Variants in GPR158 observed in about 807,000 individuals in gnomAD.
GPR158 encodes metabotropic glycine receptor.
GPR158 carries 30 observed loss-of-function variants against 78.2 expected under a neutral mutation model. The ratio of observed to expected loss-of-function variants is 0.38; its 90% CI spans 0.29 to 0.52. The LOEUF is 0.52. Among genes scored for constraint, GPR158 ranks in the 20% least tolerant of loss-of-function variants. The probability of loss-of-function intolerance (pLI) is 0.83; values close to 1 mark genes in which losing one functional copy is unlikely to be tolerated. For synonymous variants in GPR158, 581 were observed against 591.1 expected, an observed-to-expected ratio of 0.98 and a Z score of 0.25; for missense variants, 1,463 against 1,523.5, an observed-to-expected ratio of 0.96 and a Z score of 0.66.
At chr10:25,224,735 GT>G (rs537467915) in intron 2 of GPR158, among the ~76,000 whole-genome samples, 62 of 152,186 alleles carry the variant, frequency 4.1e-4, no homozygotes, top group African/African-American at 1.2e-3. Flanking sequence ...GTAATAAATT[GT>G]CAACTATGTT....
intron 2 of GPR158, among the ~76,000 whole-genome samples, chr10:25,394,312 A>G (rs1834340651): frequency 6.6e-6 from 1 of 152,252 alleles, no homozygotes; most frequent in South Asian, 2.1e-4. Context: ...GCCCAAATCC[A>G]CACGGTTGGG....
At chr10:25,534,509 CAAA>C (rs1836470939) in intron 5 of GPR158, among the ~76,000 whole-genome samples, 2 of 147,724 alleles carry the variant, frequency 1.4e-5, no homozygotes, top group African/African-American at 5.0e-5. Flanking sequence ...CAAAACAAAA[CAAA>C]AACAGATTAC....
intron 5 of GPR158, among the ~76,000 whole-genome samples, chr10:25,522,041 C>T (rs968510332): frequency 2.6e-5 from 4 of 152,110 alleles, no homozygotes; most frequent in African/African-American, 7.2e-5. Flanking sequence ...AGTTTAATAA[C>T]CAGTAATTAG....
rs956518917 is a variant in GPR158 at position 25,589,017 on chromosome 10, A to G, written c.1764A>G (p.Leu588=). Residue 588 remains leucine (L), a synonymous_variant, in exon 8 of 11, where the codon TTA becomes TTG. Coordinates refer to ENST00000376351, the MANE Select transcript of GPR158 (RefSeq NM_020752.3). The part of the protein sequence containing the change: ...WDYMTAVAEF[L]FLLWGVYLCY... ...TTGTTATTTTCACAGCTGAATTTTT[A>G]TTCCTCTTGTGGGGTGTTTATCTCT... 2 of 1,556,546 alleles carry G rather than the reference A, an allele frequency of 1.3e-6. No individual in the cohort carries two copies. The highest frequency in any genetic ancestry group is 1.8e-6 in the Non-Finnish European group (2 of 1,142,054).
intron 5 of GPR158, among the ~76,000 whole-genome samples, chr10:25,516,110 C>A (rs914150930): frequency 4.6e-5 from 7 of 152,110 alleles, no homozygotes; most frequent in African/African-American, 1.4e-4. Flanking sequence ...TTGCATTTCT[C>A]TGATGGCCAG....
chr10:25,311,926 A>G (rs72794302), intron 2 of GPR158, among the ~76,000 whole-genome samples: 6,484 of 152,090 alleles, frequency 0.043, 149 homozygotes, highest in African/African-American at 0.052. Context: ...ATGGTTGTAC[A>G]TTTTGTATAA....
chr10:25,584,610 T>C (rs1588923934), intron 7 of GPR158, among the ~76,000 whole-genome samples: 1 of 152,256 alleles, frequency 6.6e-6, no homozygotes, highest in East Asian at 1.9e-4. Context: ...GTTTTCATAA[T>C]GCAGCTACGT....
intron 5 of GPR158, among the ~76,000 whole-genome samples, chr10:25,491,885 A>G (rs970783272): frequency 1.2e-4 from 18 of 152,128 alleles, no homozygotes; most frequent in Non-Finnish European, 4.4e-5. Context: ...GTGGTTTCCT[A>G]TATTTGTCAT....
intron 3 of GPR158, among the ~76,000 whole-genome samples, chr10:25,406,242 T>C (rs1834513796): frequency 6.6e-6 from 1 of 152,146 alleles, no homozygotes; most frequent in Non-Finnish European, 1.5e-5. Context: ...CTGGGATAAC[T>C]GTCAAACAAA....
chr10:25,529,270 C>T (rs1422890825), intron 5 of GPR158, among the ~76,000 whole-genome samples: 3 of 151,962 alleles, frequency 2.0e-5, no homozygotes, highest in Admixed American at 2.0e-4. Flanking sequence ...ACCTGTAATC[C>T]CAGCTACTCA....
intron 5 of GPR158, among the ~76,000 whole-genome samples, chr10:25,530,991 A>T (rs1438123313): frequency 1.3e-5 from 2 of 152,202 alleles, no homozygotes; most frequent in African/African-American, 2.4e-5. Context: ...ATTCTGTCCT[A>T]AGTGGCTTTC....
In GPR158 at chr10:25,338,057, C is replaced by T. The variant is rs557543886; in HGVS notation, c.1009-57854C>T. Among the ~76,000 whole-genome samples, 13 of 151,724 alleles carry T rather than the reference C, an allele frequency of 8.6e-5. No individual in the cohort carries two copies. In the South Asian group the frequency reaches 2.1e-3, roughly 24 times the overall value. On this transcript the variant is annotated intron_variant, in intron 2 of 10. Transcript: ENST00000376351. ...AAATGTAGGTATTGAAATATCTTTTCCTCTATGCAGCTTGCCTTTTCACTC... is the reference window on the plus strand; with the variant it reads ...AAATGTAGGTATTGAAATATCTTTTTCTCTATGCAGCTTGCCTTTTCACTC...
At chr10:25,457,650 T>G (rs76893112) in intron 4 of GPR158, among the ~76,000 whole-genome samples, 7,487 of 152,252 alleles carry the variant, frequency 0.049, 510 homozygotes, top group African/African-American at 0.15. Context: ...AAAGGCTTCT[T>G]AGCCAGAAAA....
chr10:25,599,451 A>C lies in GPR158; in HGVS notation c.*177A>C. ...GGGGGGCAAGAGCAACAACGTCATA[A>C]TGGAGAAGTCAGACTTTGGTCAAGA... On this transcript the variant is annotated 3_prime_UTR_variant, in exon 11 of 11. Transcript: ENST00000376351. The C allele has an allele frequency of 1.7e-6, 1 of 583,600 alleles. No homozygotes were observed. Among genetic ancestry groups the C allele is most frequent in the Non-Finnish European group, 3.0e-6 (1 of 330,848 alleles). The allele number at this position is 583,600 out of a possible 1,614,324, so 36.2% of individuals were successfully genotyped here.
intron 2 of GPR158, among the ~76,000 whole-genome samples, chr10:25,338,866 A>G (rs1855264087): frequency 6.6e-6 from 1 of 151,578 alleles, no homozygotes. Context: ...GAGAATTTAC[A>G]TCTTTACAAC....
At chr10:25,547,476 T>C (rs1007626155) in intron 5 of GPR158, among the ~76,000 whole-genome samples, 29 of 152,168 alleles carry the variant, frequency 1.9e-4, no homozygotes, top group Non-Finnish European at 2.9e-5. Flanking sequence ...GCTCCCTCCC[T>C]CTTTCATCTT....
At chr10:25,338,151 TA>T (rs2130501184) in intron 2 of GPR158, among the ~76,000 whole-genome samples, 1 of 151,684 alleles carries the variant, frequency 6.6e-6, no homozygotes, top group African/African-American at 2.4e-5. Flanking sequence ...CCTTTTCCTT[TA>T]TAATTGTAGT....
intron 4 of GPR158, among the ~76,000 whole-genome samples, chr10:25,412,846 C>G (rs1216775662): frequency 6.6e-6 from 1 of 152,060 alleles, no homozygotes; most frequent in Non-Finnish European, 1.5e-5. Context: ...TTTTTCTTTT[C>G]TTAGTTGTGT....
At chr10:25,284,251 C>A (rs1162592618) in intron 2 of GPR158, among the ~76,000 whole-genome samples, 1 of 151,822 alleles carries the variant, frequency 6.6e-6, no homozygotes, top group Admixed American at 6.6e-5. Flanking sequence ...GTCTATTTTT[C>A]TTTTAATTTG....
Sources: allele counts gnomAD v4.1 joint callset (sites outside exome capture counted in the v4.1 genomes callset), GRCh38; gene constraint gnomAD v4.1.1; transcripts MANE v1.5; gene names NCBI Gene and HGNC (gene_info 2026-07-23, HGNC 2026-07-21).